The following NEO1 variants were observed in gnomAD, a reference collection of about 807,000 sequenced individuals.
The protein encoded by NEO1 is neogenin 1, also known as neogenin.
In NEO1, 63 loss-of-function variants were observed where a neutral mutation model predicts 159.7. That is an observed-to-expected ratio of 0.39 (90% confidence interval 0.32 to 0.49). The LOEUF (loss-of-function observed/expected upper bound fraction) is 0.49, where lower values mean the gene tolerates loss of function less well. Among genes scored for constraint, NEO1 ranks in the 20% least tolerant of loss-of-function variants. The pLI is 0.85. For missense variants in NEO1, 1,615 were observed against 1,831.0 expected, an observed-to-expected ratio of 0.88 and a Z score of 2.15; for synonymous variants, 633 against 662.0, an observed-to-expected ratio of 0.96 and a Z score of 0.67.
intron 1 of NEO1, among the ~76,000 whole-genome samples, chr15:73,080,653 G>A (rs1274801438): frequency 6.6e-6 from 1 of 152,100 alleles, no homozygotes; most frequent in East Asian, 1.9e-4. Flanking sequence ...GATTTGGTTA[G>A]TGGATTAAAG....
At chr15:73,069,686 G>A (rs892450593) in intron 1 of NEO1, among the ~76,000 whole-genome samples, 9 of 151,438 alleles carry the variant, frequency 5.9e-5, no homozygotes, top group Admixed American at 6.6e-5. Context: ...ATATATATAC[G>A]CACACACGCA....
At chr15:73,095,186 C>T (rs1271210137) in intron 1 of NEO1, among the ~76,000 whole-genome samples, 8 of 148,132 alleles carry the variant, frequency 5.4e-5, no homozygotes, top group African/African-American at 5.0e-5. Context: ...TCCAGCCTGG[C>T]GACAGAGTGA....
intron 5 of NEO1, among the ~76,000 whole-genome samples, chr15:73,154,502 C>G (rs1011073559): frequency 6.6e-6 from 1 of 152,176 alleles, no homozygotes; most frequent in East Asian, 1.9e-4. Flanking sequence ...CTACCTTTCC[C>G]AGCCTCTGGT....
intron 1 of NEO1, 44 bp from the exon 2 acceptor site, chr15:73,116,496 A>G: frequency 6.9e-7 from 1 of 1,458,152 alleles, no homozygotes; most frequent in Non-Finnish European, 9.1e-7. Flanking sequence ...CAAATAATAG[A>G]AGAGAGATTT....
At chr15:73,146,530 GTTC>G (rs1015965975) in intron 5 of NEO1, among the ~76,000 whole-genome samples, 10 of 152,082 alleles carry the variant, frequency 6.6e-5, no homozygotes, top group East Asian at 3.9e-4. Context: ...TTGGTTTGCA[GTTC>G]TTCTTAGATT....
chr15:73,236,552 G>A lies in NEO1; in HGVS notation c.1451+46G>A, dbSNP rs750825608. On this transcript the variant is annotated intron_variant, in intron 8 of 28. Coordinates refer to ENST00000261908, the MANE Select transcript of NEO1 (RefSeq NM_002499.4). ...AGCCAGTTGGCTGCCTCTTGGTCACGGCAGCCTTGTCATGCTCACCCTGGC... is the reference window on the plus strand; with the variant it reads ...AGCCAGTTGGCTGCCTCTTGGTCACAGCAGCCTTGTCATGCTCACCCTGGC... 30 of 1,574,076 alleles carry A rather than the reference G, an allele frequency of 1.9e-5. 1 individual carries two copies. Among genetic ancestry groups the A allele is most frequent in the African/African-American group, 1.8e-4 (13 of 74,134 alleles).
chr15:73,065,725 T>C (rs1944423475), intron 1 of NEO1, among the ~76,000 whole-genome samples: 1 of 152,240 alleles, frequency 6.6e-6, no homozygotes, highest in African/African-American at 2.4e-5. Flanking sequence ...GTTGTATGTG[T>C]GGGCTGATCA....
intron 1 of NEO1, among the ~76,000 whole-genome samples, chr15:73,105,386 C>G (rs1316866134): frequency 6.6e-6 from 1 of 152,160 alleles, no homozygotes; most frequent in Non-Finnish European, 1.5e-5. Flanking sequence ...ATTGCTTAGA[C>G]AACAACCCAA....
At chr15:73,200,403 A>G (rs911067285) in intron 7 of NEO1, among the ~76,000 whole-genome samples, 1 of 151,734 alleles carries the variant, frequency 6.6e-6, no homozygotes, top group African/African-American at 2.4e-5. Context: ...CAACATAGCA[A>G]ACTCCTGTCT....
chr15:73,055,239 T>C (rs575842823), intron 1 of NEO1, among the ~76,000 whole-genome samples: 2 of 152,340 alleles, frequency 1.3e-5, no homozygotes, highest in South Asian at 4.1e-4. Flanking sequence ...GTCTTCTCTA[T>C]TTAGAGTGAA....
At chr15:73,230,791 T>G (rs1465257975) in intron 7 of NEO1, among the ~76,000 whole-genome samples, 1 of 152,064 alleles carries the variant, frequency 6.6e-6, no homozygotes, top group Admixed American at 6.5e-5. Flanking sequence ...GGGGTCTCAC[T>G]ATGTTGCCCA....
chr15:73,300,308 C>T (rs543433444), intron 27 of NEO1, among the ~76,000 whole-genome samples: 1 of 152,360 alleles, frequency 6.6e-6, no homozygotes, highest in Admixed American at 6.5e-5. Context: ...CTTGAATTGA[C>T]AGGCTCACTT....
intron 1 of NEO1, among the ~76,000 whole-genome samples, chr15:73,069,032 A>G (rs1343053872): frequency 6.7e-6 from 1 of 150,206 alleles, no homozygotes; most frequent in Non-Finnish European, 1.5e-5. Flanking sequence ...AGGTTACTGC[A>G]GCCTCGACCT....
chr15:73,129,210 G>C (rs1364533761), intron 4 of NEO1, among the ~76,000 whole-genome samples: 1 of 152,190 alleles, frequency 6.6e-6, no homozygotes, highest in Non-Finnish European at 1.5e-5. Context: ...AAATATAAGT[G>C]AATGGAGCAC....
chr15:73,234,556 T>G (rs1332451938), intron 7 of NEO1, among the ~76,000 whole-genome samples: 1 of 152,234 alleles, frequency 6.6e-6, no homozygotes, highest in African/African-American at 2.4e-5. Flanking sequence ...TTATTTCCTC[T>G]AAGGCAGTGC....
intron 7 of NEO1, among the ~76,000 whole-genome samples, chr15:73,225,727 G>A (rs985066747): frequency 2.0e-5 from 3 of 152,140 alleles, no homozygotes; most frequent in Admixed American, 2.0e-4. Flanking sequence ...TCCCAGCTGT[G>A]AAAGAAAAGG....
chr15:73,300,495 C>T (rs1388251559), intron 27 of NEO1, among the ~76,000 whole-genome samples: 1 of 152,106 alleles, frequency 6.6e-6, no homozygotes, highest in Non-Finnish European at 1.5e-5. Context: ...TTCGGGAGGC[C>T]GAGGCGGGTA....
At chr15:73,184,111 T>C (rs769693555) in intron 7 of NEO1, among the ~76,000 whole-genome samples, 3 of 152,176 alleles carry the variant, frequency 2.0e-5, no homozygotes, top group African/African-American at 7.2e-5. Context: ...TTAGAAAATA[T>C]ACCATTCAAA....
intron 23 of NEO1, among the ~76,000 whole-genome samples, chr15:73,284,561 T>C (rs1396436078): frequency 6.6e-6 from 1 of 151,622 alleles, no homozygotes; most frequent in African/African-American, 2.4e-5. Flanking sequence ...TTCTGACCAC[T>C]GCCTCTTATA....
Sources: allele counts gnomAD v4.1 joint callset (sites outside exome capture counted in the v4.1 genomes callset), GRCh38; gene constraint gnomAD v4.1.1; transcripts MANE v1.5; gene names NCBI Gene and HGNC (gene_info 2026-07-23, HGNC 2026-07-21).